Variants in LIX1 observed in about 807,000 individuals in gnomAD.
LIX1 encodes limb and CNS expressed 1, also known as protein limb expression 1 homolog.
LIX1 carries 24 observed loss-of-function variants against 33.4 expected under a neutral mutation model. The ratio of observed to expected loss-of-function variants is 0.72; its 90% confidence interval spans 0.52 to 1.01. The LOEUF (loss-of-function observed/expected upper bound fraction) is 1.01. Among genes scored for constraint, LIX1 ranks in the 50% least tolerant of loss-of-function variants. The pLI, the probability that LIX1 is intolerant of heterozygous loss-of-function variation, is 0.00. For missense variants in LIX1, 311 were observed against 339.2 expected (o/e 0.92, Z 0.65); for synonymous variants, 124 against 124.0 (o/e 1.00, Z 0.00).
chr5:97,136,657 A>G (rs1748178289), intron 1 of LIX1, among the ~76,000 whole-genome samples: 1 of 152,196 alleles, frequency 6.6e-6, no homozygotes, highest in Non-Finnish European at 1.5e-5. Context: ...CATAAGTGCC[A>G]AAGGAGTGGT....
At chr5:97,103,217 CTT>C (rs1159405926) in intron 4 of LIX1, 5 of 357,720 alleles carry the variant, frequency 1.4e-5, no homozygotes, top group Non-Finnish European at 2.7e-5. Context: ...CAGATCGACT[CTT>C]TTATCCTACA....
chr5:97,141,277 CT>C (rs1748281419), intron 1 of LIX1, among the ~76,000 whole-genome samples: 1 of 152,140 alleles, frequency 6.6e-6, no homozygotes, highest in Non-Finnish European at 1.5e-5. Context: ...CTTTCCTCCC[CT>C]TTTCGCTTAA....
chr5:97,112,655 G>A (rs146809298), intron 2 of LIX1, among the ~76,000 whole-genome samples: 5 of 152,238 alleles, frequency 3.3e-5, no homozygotes, highest in Non-Finnish European at 5.9e-5. Context: ...AATTTCTCAG[G>A]CATGTGGAGC....
intron 4 of LIX1, among the ~76,000 whole-genome samples, chr5:97,100,114 G>T (rs1469552907): frequency 1.1e-4 from 16 of 151,998 alleles, no homozygotes; most frequent in Admixed American, 1.0e-3. Flanking sequence ...TACACTAACT[G>T]CTCTCCCCGC....
intron 4 of LIX1, among the ~76,000 whole-genome samples, chr5:97,103,470 T>C (rs1406568445): frequency 7.9e-5 from 12 of 152,218 alleles, no homozygotes; most frequent in Admixed American, 7.8e-4. Flanking sequence ...TTATTCTCTC[T>C]GATTTACATA....
chr5:97,135,960 A>C (rs761495564), intron 1 of LIX1, among the ~76,000 whole-genome samples: 2 of 152,240 alleles, frequency 1.3e-5, no homozygotes, highest in African/African-American at 4.8e-5. Flanking sequence ...ATAAGTGTAA[A>C]TGTGGCTTTG....
At chr5:97,119,953 A>G (rs1747739539) in intron 2 of LIX1, among the ~76,000 whole-genome samples, 1 of 152,218 alleles carries the variant, frequency 6.6e-6, no homozygotes, top group African/African-American at 2.4e-5. Flanking sequence ...TAGATAGAGT[A>G]TAATGAATGT....
intron 4 of LIX1, 137 bp downstream of exon 4, chr5:97,105,053 G>A (rs1367679934): frequency 4.2e-6 from 3 of 707,060 alleles, no homozygotes; most frequent in African/African-American, 3.6e-5. Flanking sequence ...TGGATTCCAG[G>A]AGGGTTAGAT....
chr5:97,131,627 A>G (rs890692308), intron 1 of LIX1, among the ~76,000 whole-genome samples: 1 of 152,214 alleles, frequency 6.6e-6, no homozygotes, highest in African/African-American at 2.4e-5. Context: ...AGAGGGCAGC[A>G]ACTCTGGCTC....
intron 5 of LIX1, 76 bp downstream of exon 5, chr5:97,096,734 G>A: frequency 9.9e-7 from 1 of 1,010,306 alleles, no homozygotes; most frequent in Non-Finnish European, 1.5e-6. Context: ...CCGAATAAAG[G>A]AAATCTCCTG....
intron 2 of LIX1, among the ~76,000 whole-genome samples, chr5:97,115,449 A>G (rs1438154064): frequency 1.3e-5 from 2 of 152,190 alleles, no homozygotes; most frequent in East Asian, 3.8e-4. Flanking sequence ...ATTGTTTTCC[A>G]TGCTTTGTAT....
intron 1 of LIX1, 54 bp downstream of exon 1, chr5:97,142,441 C>T (rs770758266): frequency 2.8e-5 from 34 of 1,208,886 alleles, no homozygotes; most frequent in Non-Finnish European, 3.3e-5. Flanking sequence ...TGTGACTTGA[C>T]GTTTAGGACT....
intron 1 of LIX1, among the ~76,000 whole-genome samples, chr5:97,134,141 A>G (rs147495939): frequency 6.6e-6 from 1 of 152,300 alleles, no homozygotes; most frequent in East Asian, 1.9e-4. Context: ...ATTTTTTGAG[A>G]TGGAGTTTTA....
intron 1 of LIX1, among the ~76,000 whole-genome samples, chr5:97,135,027 CT>C (rs1009281687): frequency 1.3e-5 from 2 of 152,146 alleles, no homozygotes; most frequent in African/African-American, 4.8e-5. Context: ...CTTTTGTTTG[CT>C]TTTTTTCTTC....
chr5:97,103,179 AT>A (rs1240172289), intron 4 of LIX1: 4 of 410,384 alleles, frequency 9.7e-6, no homozygotes, highest in Non-Finnish European at 1.4e-5. Context: ...TTAGTTTTAG[AT>A]TGTTATGAAA....
chr5:97,100,308 G>C (rs1296466736), intron 4 of LIX1, among the ~76,000 whole-genome samples: 2 of 152,068 alleles, frequency 1.3e-5, no homozygotes, highest in Non-Finnish European at 2.9e-5. Flanking sequence ...CACCACCTCT[G>C]GTTTGTCTAA....
At chr5:97,109,143 T>C (rs1378272108) in intron 2 of LIX1, among the ~76,000 whole-genome samples, 1 of 152,144 alleles carries the variant, frequency 6.6e-6, no homozygotes, top group Non-Finnish European at 1.5e-5. Flanking sequence ...CTCTGTGATT[T>C]TCCCTCAAAC....
Position 97,094,679 on chromosome 5 carries a change from C to T in LIX1, c.*69G>A, listed in dbSNP as rs1561484491. The T allele has an allele frequency of 2.7e-6, 4 of 1,472,492 alleles. No individual in the cohort carries two copies. The East Asian group carries it at 6.8e-5, about 25-fold the overall frequency. The allele number at this position is 1,472,492 out of a possible 1,614,324, so 91.2% of individuals were successfully genotyped here. ...TAGAGATGCTGGAGCCTCTGAGGAC[C>T]TCTGCACTGAGATTCCTAATGTTAA... On this transcript the variant is annotated 3_prime_UTR_variant, in exon 6 of 6. Coordinates refer to ENST00000274382, the MANE Select transcript of LIX1 (RefSeq NM_153234.5).
At chr5:97,106,908 C>T (rs1363874172) in intron 3 of LIX1, among the ~76,000 whole-genome samples, 2 of 152,168 alleles carry the variant, frequency 1.3e-5, no homozygotes, top group Non-Finnish European at 2.9e-5. Flanking sequence ...CTTAAAAATG[C>T]AGATTGCAGG....
Sources: allele counts gnomAD v4.1 joint callset (sites outside exome capture counted in the v4.1 genomes callset), GRCh38; gene constraint gnomAD v4.1.1; transcripts MANE v1.5; gene names NCBI Gene and HGNC (gene_info 2026-07-23, HGNC 2026-07-21).